The following ARHGAP26 variants were observed in gnomAD, a reference collection of about 807,000 sequenced individuals.
ARHGAP26 encodes rho GTPase-activating protein 26.
In ARHGAP26, 38 loss-of-function variants were observed where a neutral mutation model predicts 104.8. That is an observed-to-expected ratio of 0.36 (90% CI 0.28 to 0.48). The LOEUF (loss-of-function observed/expected upper bound fraction) is 0.48. Among genes scored for constraint, ARHGAP26 ranks in the 20% least tolerant of loss-of-function variants. The pLI, the probability that ARHGAP26 is intolerant of heterozygous loss-of-function variation, is 0.99. For synonymous variants in ARHGAP26, 341 were observed against 340.0 expected, an observed-to-expected ratio of 1.00 and a Z score of -0.03; for missense variants, 704 against 947.9, an observed-to-expected ratio of 0.74 and a Z score of 3.38.
chr5:142,799,254 T>C (rs1004008676), intron 1 of ARHGAP26, among the ~76,000 whole-genome samples: 1 of 152,136 alleles, frequency 6.6e-6, no homozygotes, highest in Non-Finnish European at 1.5e-5. Context: ...TGTTTCTGCA[T>C]TTTGGTTCTT....
At chr5:142,920,929 G>A (rs1337810302) in intron 10 of ARHGAP26, among the ~76,000 whole-genome samples, 2 of 152,154 alleles carry the variant, frequency 1.3e-5, no homozygotes, top group African/African-American at 2.4e-5. Context: ...ACTGGAATAC[G>A]CTGAATTCAT....
At chr5:143,011,606 T>A (rs1231145811) in intron 11 of ARHGAP26, among the ~76,000 whole-genome samples, 1 of 152,204 alleles carries the variant, frequency 6.6e-6, no homozygotes, top group African/African-American at 2.4e-5. Context: ...AATAGCCACA[T>A]GAGTAAAATG....
intron 17 of ARHGAP26, among the ~76,000 whole-genome samples, chr5:143,098,729 C>T (rs527820038): frequency 2.0e-5 from 3 of 152,220 alleles, no homozygotes; most frequent in Admixed American, 2.0e-4. Flanking sequence ...TTCCTCCGAG[C>T]CTCAGTTTTT....
chr5:142,793,568 T>C (rs1419064652), intron 1 of ARHGAP26, among the ~76,000 whole-genome samples: 2 of 151,878 alleles, frequency 1.3e-5, no homozygotes, highest in African/African-American at 4.8e-5. Flanking sequence ...ATTCTCTCAG[T>C]TGGTTTTATT....
intron 17 of ARHGAP26, among the ~76,000 whole-genome samples, chr5:143,089,907 T>C (rs567782647): frequency 6.6e-6 from 1 of 152,110 alleles, no homozygotes; most frequent in South Asian, 2.1e-4. Context: ...AATGCCAGGG[T>C]GAAAGGGATA....
At chr5:142,775,955 T>G (rs1756237633) in intron 1 of ARHGAP26, among the ~76,000 whole-genome samples, 1 of 152,216 alleles carries the variant, frequency 6.6e-6, no homozygotes, top group Non-Finnish European at 1.5e-5. Context: ...CACTAACACT[T>G]GGAATTGACA....
intron 20 of ARHGAP26, among the ~76,000 whole-genome samples, chr5:143,199,954 C>T (rs1182108509): frequency 1.2e-4 from 18 of 152,190 alleles, no homozygotes. Flanking sequence ...CTCACATCTC[C>T]AGGTTGTGGA....
At chr5:142,843,233 C>A (rs1018810036) in intron 1 of ARHGAP26, among the ~76,000 whole-genome samples, 1 of 152,186 alleles carries the variant, frequency 6.6e-6, no homozygotes, top group Non-Finnish European at 1.5e-5. Context: ...GCTCCCAAGT[C>A]TCTCTGGCTG....
At chr5:142,839,443 G>A (rs1770297108) in intron 1 of ARHGAP26, among the ~76,000 whole-genome samples, 2 of 152,090 alleles carry the variant, frequency 1.3e-5, no homozygotes, top group Non-Finnish European at 2.9e-5. Context: ...AGGTCATCCA[G>A]CTAACAGTTG....
chr5:142,839,612 G>T (rs1373214884), intron 1 of ARHGAP26, among the ~76,000 whole-genome samples: 1 of 152,132 alleles, frequency 6.6e-6, no homozygotes, highest in Non-Finnish European at 1.5e-5. Flanking sequence ...ACCAAAGAGA[G>T]ACCTCATATA....
chr5:142,855,070 A>G (rs114620272), intron 1 of ARHGAP26, among the ~76,000 whole-genome samples: 2,148 of 152,248 alleles, frequency 0.014, 43 homozygotes, highest in African/African-American at 0.049. Context: ...AGATAAAAGA[A>G]GAATCACAAA....
At chr5:142,986,811 T>A (rs958538853) in intron 11 of ARHGAP26, among the ~76,000 whole-genome samples, 2 of 152,180 alleles carry the variant, frequency 1.3e-5, no homozygotes, top group African/African-American at 4.8e-5. Flanking sequence ...GATCAGATGG[T>A]TGTAGATGTG....
At chr5:143,068,220 A>G (rs1331590299) in intron 17 of ARHGAP26, among the ~76,000 whole-genome samples, 2 of 152,218 alleles carry the variant, frequency 1.3e-5, no homozygotes, top group Admixed American at 6.5e-5. Flanking sequence ...TCCTGGGTCA[A>G]TCACGTAATG....
intron 4 of ARHGAP26, among the ~76,000 whole-genome samples, chr5:142,881,954 G>C (rs1757056156): frequency 1.3e-5 from 2 of 152,146 alleles, no homozygotes; most frequent in Admixed American, 6.5e-5. Context: ...AAGATTCTTG[G>C]GCATTCTTAT....
chr5:143,102,330 G>T (rs1314922492), intron 17 of ARHGAP26, among the ~76,000 whole-genome samples: 1 of 152,150 alleles, frequency 6.6e-6, no homozygotes, highest in Non-Finnish European at 1.5e-5. Context: ...CCCCTGGCAG[G>T]TCTTCCTAGA....
chr5:142,959,620 A>G (rs1769865176), intron 11 of ARHGAP26, among the ~76,000 whole-genome samples: 1 of 152,122 alleles, frequency 6.6e-6, no homozygotes, highest in Admixed American at 6.5e-5. Context: ...CAGCATGTTG[A>G]ATCCACCCTA....
chr5:142,890,154 ATATATATATATATATATATATATATATAT>A (rs1758420292), intron 5 of ARHGAP26, among the ~76,000 whole-genome samples: 8 of 46,218 alleles, frequency 1.7e-4, no homozygotes, highest in Admixed American at 4.0e-4. Flanking sequence ...AAAAAAAAAT[ATATATATATATATATATATATATATATAT>A]ATATATATAT....
At chr5:143,184,011 T>A (rs749042415) in intron 20 of ARHGAP26, among the ~76,000 whole-genome samples, 5 of 152,220 alleles carry the variant, frequency 3.3e-5, no homozygotes, top group Admixed American at 6.5e-5. Flanking sequence ...GTTCAGAAAC[T>A]CTGACCCTTG....
intron 1 of ARHGAP26, among the ~76,000 whole-genome samples, chr5:142,779,077 A>G (rs1305780822): frequency 2.0e-5 from 3 of 152,146 alleles, no homozygotes; most frequent in Admixed American, 6.5e-5. Flanking sequence ...GTCAGATGGG[A>G]GATGGGATGG....
Sources: gnomAD v4.1 joint callset for allele counts (sites outside exome capture counted in the v4.1 genomes callset) on GRCh38, gnomAD v4.1.1 for gene constraint, MANE v1.5 for transcripts, NCBI Gene and HGNC (gene_info 2026-07-23, HGNC 2026-07-21) for gene names.